KDM4A: variants seen among roughly 807,000 people sequenced by gnomAD.
KDM4A encodes lysine-specific demethylase 4A.
KDM4A carries 23 observed loss-of-function variants against 127.1 expected under a neutral mutation model. That is an observed-to-expected ratio of 0.18 (90% confidence interval 0.13 to 0.26). The LOEUF (loss-of-function observed/expected upper bound fraction) is 0.26, where lower values mean the gene tolerates loss of function less well. Ranked by LOEUF, KDM4A falls within the 10% of genes least tolerant of loss-of-function variation. KDM4A has a pLI of 1.00. For synonymous variants in KDM4A, 443 were observed against 466.5 expected, an observed-to-expected ratio of 0.95 and a Z score of 0.65; for missense variants, 890 against 1,329.1, an observed-to-expected ratio of 0.67 and a Z score of 5.14.
chr1:43,703,071 T>G (rs1334932992), intron 19 of KDM4A, among the ~76,000 whole-genome samples: 1 of 151,688 alleles, frequency 6.6e-6, no homozygotes, highest in Non-Finnish European at 1.5e-5. Flanking sequence ...GACTCCCGAG[T>G]AGCTGGGACT....
chr1:43,659,705 T>G (rs181883414), intron 3 of KDM4A, among the ~76,000 whole-genome samples: 19 of 152,378 alleles, frequency 1.2e-4, no homozygotes, highest in Admixed American at 3.9e-4. Context: ...ATTGGAATAT[T>G]GGATGTGCAA....
At chr1:43,663,943 A>C (rs1660443905) in intron 5 of KDM4A, among the ~76,000 whole-genome samples, 1 of 152,062 alleles carries the variant, frequency 6.6e-6, no homozygotes, top group Non-Finnish European at 1.5e-5. Context: ...CCATCTCAGC[A>C]TTTTAGTGAA....
chr1:43,687,460 A>T (rs186723388), intron 12 of KDM4A, among the ~76,000 whole-genome samples: 6 of 152,230 alleles, frequency 3.9e-5, no homozygotes, highest in Admixed American at 3.3e-4. Flanking sequence ...AGATGCATGG[A>T]TCCCCTGGGA....
intron 11 of KDM4A, among the ~76,000 whole-genome samples, chr1:43,680,773 T>C (rs1031340828): frequency 1.3e-5 from 2 of 152,244 alleles, no homozygotes; most frequent in Non-Finnish European, 2.9e-5. Context: ...CTTCTTCTGT[T>C]GTAAGCCCCA....
chr1:43,689,312 G>GACC (rs1557917286), intron 13 of KDM4A, among the ~76,000 whole-genome samples: 2 of 152,226 alleles, frequency 1.3e-5, no homozygotes, highest in African/African-American at 4.8e-5. Flanking sequence ...AGCTGAGGGT[G>GACC]GGCTTAGGCT....
chr1:43,661,055 A>T (rs1375339712), intron 4 of KDM4A, among the ~76,000 whole-genome samples: 6 of 150,962 alleles, frequency 4.0e-5, no homozygotes, highest in South Asian at 4.2e-4. Context: ...GCTTACCGCA[A>T]CCTCCGCCTC....
chr1:43,697,692 C>T (rs149984575), intron 18 of KDM4A, 151 bp from the exon 19 acceptor site: 1 of 690,534 alleles, frequency 1.4e-6, no homozygotes, highest in Non-Finnish European at 2.4e-6. Flanking sequence ...TCTGGAAAGG[C>T]TTGTTTTAGC....
rs367816605 is a variant in KDM4A at position 43,692,667 on chromosome 1, C to T, written c.2375+356C>T. 6.6e-5 allele frequency among the ~76,000 whole-genome samples: 10 copies of T among 152,248 alleles called. No individual in the cohort carries two copies. The South Asian group carries it at 1.7e-3, about 25-fold the overall frequency. ...CACAGCTGGGGCTGGTATGCAGAGG[C>T]GGCCACAGGCTAGCAAGCACTTCTC... On this transcript the variant is annotated intron_variant, in intron 16 of 21. Coordinates refer to ENST00000372396, the MANE Select transcript of KDM4A (RefSeq NM_014663.3).
chr1:43,674,794 C>G (rs1660704024), intron 11 of KDM4A, among the ~76,000 whole-genome samples: 1 of 152,098 alleles, frequency 6.6e-6, no homozygotes, highest in Non-Finnish European at 1.5e-5. Context: ...CAGGTGTGAG[C>G]CATCGCGCCT....
chr1:43,699,229 G>T (rs187561728), intron 19 of KDM4A, among the ~76,000 whole-genome samples: 141 of 152,030 alleles, frequency 9.3e-4, no homozygotes, highest in African/African-American at 3.3e-3. Context: ...CCAGGTAGCT[G>T]GGACTACAGG....
intron 1 of KDM4A, among the ~76,000 whole-genome samples, chr1:43,651,135 C>G (rs1660105931): frequency 6.6e-6 from 1 of 152,196 alleles, no homozygotes; most frequent in African/African-American, 2.4e-5. Context: ...GGGAAGGGCC[C>G]CAACATTGTA....
intron 11 of KDM4A, among the ~76,000 whole-genome samples, chr1:43,680,576 G>A (rs1031811435): frequency 2.0e-5 from 3 of 152,230 alleles, no homozygotes; most frequent in Admixed American, 6.5e-5. Context: ...GAGCTAAAGT[G>A]AAGGCATCAG....
chr1:43,691,649 C>T, intron 15 of KDM4A, 77 bp downstream of exon 15: 2 of 1,256,288 alleles, frequency 1.6e-6, no homozygotes, highest in Non-Finnish European at 2.3e-6. Context: ...TCATGTTGGA[C>T]TCAGTATTCC....
chr1:43,689,190 G>T (rs939302125), intron 13 of KDM4A, 95 bp downstream of exon 13: 1 of 1,296,310 alleles, frequency 7.7e-7, no homozygotes, highest in Admixed American at 1.9e-5. Context: ...TGGTTGTCTT[G>T]GGAAAGGCCA....
chr1:43,667,246 A>G (rs1660519233), intron 8 of KDM4A, among the ~76,000 whole-genome samples, 155 bp downstream of exon 8: 1 of 152,196 alleles, frequency 6.6e-6, no homozygotes. Context: ...TTGTGTTCAT[A>G]AGGAATTTTT....
intron 11 of KDM4A, among the ~76,000 whole-genome samples, chr1:43,681,105 C>T (rs1024086808): frequency 6.6e-6 from 1 of 152,172 alleles, no homozygotes; most frequent in Non-Finnish European, 1.5e-5. Context: ...CGTATTCACT[C>T]CTTAGTTTCT....
intron 6 of KDM4A, 86 bp from the exon 7 acceptor site, chr1:43,666,366 G>T: frequency 9.6e-7 from 1 of 1,043,238 alleles, no homozygotes; most frequent in Non-Finnish European, 1.5e-6. Flanking sequence ...TTATCATTCC[G>T]ATGAGAAGCA....
chr1:43,690,863 A>G lies in KDM4A; in HGVS notation c.2056A>G (p.Asn686Asp), dbSNP rs1661092485. 6.2e-7 allele frequency: 1 copy of G among 1,614,056 alleles called. No homozygotes were observed. ...TYHQVEFGGFNQNCGNASDLA... is the reference protein window; with the variant it reads ...TYHQVEFGGFDQNCGNASDLA... The stretch of plus-strand genomic sequence containing the variant: ...CCCTTAGGTTGAATTTGGAGGCTTT[A>G]ATCAGAACTGTGGAAATGCTTCAGA... The change falls in exon 14 of 22, where the codon AAT becomes GAT. Residue 686 changes from asparagine (N) to aspartate (D), a missense_variant. Coordinates refer to ENST00000372396, the MANE Select transcript of KDM4A (RefSeq NM_014663.3).
chr1:43,686,942 C>T (rs925443858), intron 12 of KDM4A, among the ~76,000 whole-genome samples: 3 of 152,196 alleles, frequency 2.0e-5, no homozygotes, highest in Non-Finnish European at 4.4e-5. Flanking sequence ...TTTCCCTCAT[C>T]ATTCAGTATT....
Sources: allele counts gnomAD v4.1 joint callset (sites outside exome capture counted in the v4.1 genomes callset), GRCh38; gene constraint gnomAD v4.1.1; transcripts MANE v1.5; gene names NCBI Gene and HGNC (gene_info 2026-07-23, HGNC 2026-07-21).